Variants in LRMDA observed in about 807,000 individuals in gnomAD.
LRMDA encodes the protein leucine rich melanocyte differentiation associated, also known as leucine-rich melanocyte differentiation-associated protein.
Under a neutral mutation model 29.8 loss-of-function variants are expected in LRMDA, and 18 were observed. The observed-to-expected ratio is 0.60, with a 90% CI of 0.42 to 0.90. LRMDA has a LOEUF of 0.90. Among genes scored for constraint, LRMDA ranks in the 40% least tolerant of loss-of-function variants. The pLI is 0.00. For missense variants in LRMDA, 273 were observed against 273.9 expected, an observed-to-expected ratio of 1.00 and a Z score of 0.02; for synonymous variants, 125 against 109.4, an observed-to-expected ratio of 1.14 and a Z score of -0.89.
intron 2 of LRMDA, among the ~76,000 whole-genome samples, chr10:75,562,468 G>A (rs1238283320): frequency 1.3e-5 from 2 of 152,058 alleles, no homozygotes; most frequent in Admixed American, 6.5e-5. Flanking sequence ...ATGCTGATGG[G>A]TCTTGACTCT....
At chr10:76,062,631 A>T (rs1467359348) in intron 5 of LRMDA, among the ~76,000 whole-genome samples, 1 of 147,774 alleles carries the variant, frequency 6.8e-6, no homozygotes, top group Non-Finnish European at 1.5e-5. Flanking sequence ...GAATGCTACA[A>T]TGGATGCTTC....
chr10:75,642,180 A>G (rs921583249), intron 2 of LRMDA, among the ~76,000 whole-genome samples: 14 of 152,198 alleles, frequency 9.2e-5, no homozygotes, highest in African/African-American at 3.4e-4. Context: ...CTCACGTGGA[A>G]AGATATGAAA....
chr10:75,695,554 C>T (rs1388361904), intron 2 of LRMDA, among the ~76,000 whole-genome samples: 1 of 152,072 alleles, frequency 6.6e-6, no homozygotes, highest in African/African-American at 2.4e-5. Flanking sequence ...TCCCTTATAG[C>T]TGTATCTCCC....
At chr10:76,270,023 C>T (rs1009752531) in intron 5 of LRMDA, among the ~76,000 whole-genome samples, 1 of 152,162 alleles carries the variant, frequency 6.6e-6, no homozygotes, top group Non-Finnish European at 1.5e-5. Context: ...CAAGCCACTC[C>T]CCTTTTTGTT....
chr10:75,594,869 A>G (rs1840766772), intron 2 of LRMDA, among the ~76,000 whole-genome samples: 1 of 152,190 alleles, frequency 6.6e-6, no homozygotes, highest in African/African-American at 2.4e-5. Flanking sequence ...TGGCTTGAAG[A>G]TGAACTTTAG....
chr10:76,475,495 CAG>C (rs1166403441), intron 6 of LRMDA, among the ~76,000 whole-genome samples: 5 of 151,996 alleles, frequency 3.3e-5, no homozygotes, highest in Admixed American at 1.3e-4. Flanking sequence ...ATCAATGAGA[CAG>C]AAAGTTAACA....
At chr10:75,762,728 A>T (rs1292948183) in intron 2 of LRMDA, among the ~76,000 whole-genome samples, 3 of 152,218 alleles carry the variant, frequency 2.0e-5, no homozygotes, top group Non-Finnish European at 4.4e-5. Flanking sequence ...GATACAATGC[A>T]GATAAAGTTT....
chr10:76,151,750 A>G (rs2132166238), intron 5 of LRMDA, among the ~76,000 whole-genome samples: 1 of 152,290 alleles, frequency 6.6e-6, no homozygotes, highest in East Asian at 1.9e-4. Context: ...TTTTCATATT[A>G]TACACAACAT....
chr10:75,483,792 A>G (rs1283065991), intron 2 of LRMDA, among the ~76,000 whole-genome samples: 2 of 148,514 alleles, frequency 1.3e-5, no homozygotes, highest in African/African-American at 4.9e-5. Context: ...TATGAAAAAA[A>G]TCATTTTGCT....
chr10:75,795,118 G>C (rs1843630444), intron 2 of LRMDA, among the ~76,000 whole-genome samples: 1 of 152,054 alleles, frequency 6.6e-6, no homozygotes. Context: ...GATTCTGGCT[G>C]GGCACAGTGG....
intron 2 of LRMDA, among the ~76,000 whole-genome samples, chr10:75,445,926 G>A (rs4612741): frequency 0.037 from 5,689 of 152,352 alleles, 335 homozygotes; most frequent in African/African-American, 0.13. Context: ...TTGCTTAGCA[G>A]AAAGTTTCTT....
Position 76,324,486 on chromosome 10 carries a change from G to A in LRMDA, c.601+1G>A. On this transcript the variant is annotated splice_donor_variant, in intron 6 of 6. Transcript: ENST00000611255. LOFTEE classifies it high-confidence loss of function. ...TCCAGGGAACTCACCAGTCACCAAG[G>A]TTGGAACTCAGCTTTTTATTGCTCT... is the stretch of plus-strand genomic sequence containing the variant. 10 of 1,614,026 alleles carry A rather than the reference G, an allele frequency of 6.2e-6. No individual in the cohort carries two copies. Among genetic ancestry groups the A allele is most frequent in the Non-Finnish European group, 8.5e-6 (10 of 1,179,976 alleles).
Position 76,058,521 on chromosome 10 carries a change from C to T in LRMDA, c.399-145C>T. 4.3e-6 allele frequency: 3 copies of T among 700,360 alleles called. No homozygotes were observed. In the South Asian group the frequency reaches 4.9e-5, roughly 12 times the overall value. The allele number at this position is 700,360 out of a possible 1,614,324, so 43.4% of individuals were successfully genotyped here. A position where few individuals can be genotyped will look rare whatever the true frequency, so the allele number is the denominator to read the frequency against. On this transcript the variant is annotated intron_variant, in intron 4 of 6. Transcript: ENST00000611255. ...CTTCTCCAAGGAACAGTTGTTTATT[C>T]TTTGTGAAAGAAGAGAGGAGGCGCA...
At chr10:75,549,826 A>G (rs189408914) in intron 2 of LRMDA, among the ~76,000 whole-genome samples, 20 of 152,216 alleles carry the variant, frequency 1.3e-4, no homozygotes, top group African/African-American at 4.6e-4. Context: ...CATGGCATGC[A>G]CTGATGTAAT....
At chr10:76,411,624 C>T (rs1245486042) in intron 6 of LRMDA, among the ~76,000 whole-genome samples, 6 of 152,138 alleles carry the variant, frequency 3.9e-5, no homozygotes, top group Non-Finnish European at 8.8e-5. Context: ...ATAGTGTTGC[C>T]CATTGTGGGA....
intron 5 of LRMDA, among the ~76,000 whole-genome samples, chr10:76,129,509 G>A (rs952851526): frequency 2.0e-5 from 3 of 152,148 alleles, no homozygotes; most frequent in East Asian, 1.9e-4. Flanking sequence ...TGGGTGTAGG[G>A]TACTCAGCTC....
At chr10:76,287,834 T>C (rs1187157699) in intron 5 of LRMDA, among the ~76,000 whole-genome samples, 1 of 152,200 alleles carries the variant, frequency 6.6e-6, no homozygotes, top group African/African-American at 2.4e-5. Flanking sequence ...CCTTCAGATC[T>C]AATAAGAACC....
At chr10:75,888,494 C>T (rs571089802) in intron 2 of LRMDA, among the ~76,000 whole-genome samples, 115 of 152,282 alleles carry the variant, frequency 7.6e-4, no homozygotes, top group African/African-American at 2.7e-3. Flanking sequence ...TTATGAATTT[C>T]CTAGCTTAAA....
chr10:75,649,433 G>GT lies in LRMDA; in HGVS notation c.131+210945dup, dbSNP rs932560731. Among the ~76,000 whole-genome samples the GT allele has an allele frequency of 2.6e-5, 4 of 152,128 alleles. 1 individual carries two copies. The highest frequency in any genetic ancestry group is 5.9e-5 in the Non-Finnish European group (4 of 68,024). On this transcript the variant is annotated intron_variant, in intron 2 of 6. Coordinates refer to ENST00000611255, the MANE Select transcript of LRMDA (RefSeq NM_001305581.2). The stretch of plus-strand genomic sequence containing the variant: ...TGTACAGATACCTCTTCAGCACTTT[G>GT]TTTTTTGAACACAACACTTGTGTAT...
Sources: allele counts gnomAD v4.1 joint callset (sites outside exome capture counted in the v4.1 genomes callset), GRCh38; gene constraint gnomAD v4.1.1; transcripts MANE v1.5; gene names NCBI Gene and HGNC (gene_info 2026-07-23, HGNC 2026-07-21).